KLC1: variants seen among roughly 807,000 people sequenced by gnomAD.
The protein encoded by KLC1 is kinesin light chain 1.
A neutral mutation model predicts 84.2 loss-of-function variants in KLC1; 30 were observed. That is an observed-to-expected ratio of 0.36 (90% CI 0.27 to 0.48). KLC1 has a LOEUF of 0.48. Ranked by LOEUF, KLC1 falls within the 20% of genes least tolerant of loss-of-function variation. The pLI is 0.99. For synonymous variants in KLC1, 289 were observed against 293.3 expected (o/e 0.99, Z 0.15); for missense variants, 499 against 805.4 (o/e 0.62, Z 4.60).
chr14:103,685,204 G>GTTTCCTA (rs778182306), intron 13 of KLC1: 6 of 1,421,194 alleles, frequency 4.2e-6, no homozygotes, highest in Non-Finnish European at 5.5e-6. Context: ...AAAGTCCGTG[G>GTTTCCTA]TTTCCTAAAG....
intron 5 of KLC1, among the ~76,000 whole-genome samples, chr14:103,668,829 G>A (rs910113924): frequency 6.6e-6 from 1 of 151,164 alleles, no homozygotes; most frequent in Non-Finnish European, 1.5e-5. Flanking sequence ...CTAGGCTGGA[G>A]TGCAGTGGCA....
At chr14:103,641,880 C>G (rs968889548) in intron 1 of KLC1, among the ~76,000 whole-genome samples, 1 of 151,974 alleles carries the variant, frequency 6.6e-6, no homozygotes. Context: ...CCTTGGCATC[C>G]CAAAGTGTTG....
intron 13 of KLC1, among the ~76,000 whole-genome samples, chr14:103,680,432 C>T (rs1361558175): frequency 1.3e-5 from 2 of 152,112 alleles, no homozygotes; most frequent in African/African-American, 2.4e-5. Flanking sequence ...GATGTTCTGC[C>T]AAATTGTAGT....
chr14:103,691,249 C>G (rs940195832), intron 14 of KLC1, among the ~76,000 whole-genome samples: 6 of 149,892 alleles, frequency 4.0e-5, no homozygotes, highest in Non-Finnish European at 7.4e-5. Flanking sequence ...ACCTCTGCCT[C>G]CTGGGCTTAA....
intron 1 of KLC1, among the ~76,000 whole-genome samples, chr14:103,651,230 G>GAACTCTTT (rs1178458441): frequency 2.0e-5 from 3 of 151,920 alleles, no homozygotes. Flanking sequence ...GGCTGGTCTT[G>GAACTCTTT]AACTCTTGAC....
chr14:103,686,329 C>A, intron 13 of KLC1: 1 of 511,514 alleles, frequency 2.0e-6, no homozygotes, highest in Non-Finnish European at 2.5e-6. Context: ...GTTCATCTCA[C>A]CAAGGAGTTC....
rs140390203 is a variant in KLC1, at chr14:103,637,259, C to T, written c.-2+7765C>T. Among the ~76,000 whole-genome samples the T allele has an allele frequency of 5.5e-3, 842 of 152,044 alleles. 6 individuals are homozygous for T. Among genetic ancestry groups the T allele is most frequent in the African/African-American group, 0.019 (799 of 41,470 alleles). The stretch of plus-strand genomic sequence containing the variant: ...TATTAAAGAAATTTTCGGCTGGGCG[C>T]GGTGGCTCACACCTATAATCCCAGC... On this transcript the variant is annotated intron_variant, in intron 1 of 16. Coordinates refer to ENST00000334553, the MANE Select transcript of KLC1 (RefSeq NM_001394837.1).
At chr14:103,638,369 T>C (rs1470904178) in intron 1 of KLC1, among the ~76,000 whole-genome samples, 5 of 152,190 alleles carry the variant, frequency 3.3e-5, no homozygotes, top group African/African-American at 1.2e-4. Context: ...CACATTCTTT[T>C]TCTCTTTTAG....
chr14:103,657,411 A>T (rs1162097707), intron 2 of KLC1, 135 bp from the exon 3 acceptor site: 1 of 636,492 alleles, frequency 1.6e-6, no homozygotes, highest in Non-Finnish European at 2.8e-6. Context: ...TAAATGGCAG[A>T]TTGTACTTAT....
intron 15 of KLC1, chr14:103,699,902 G>A: frequency 5.0e-6 from 2 of 396,720 alleles, no homozygotes; most frequent in East Asian, 5.6e-5. Flanking sequence ...CCTTGCGGGG[G>A]TCTGCTCTCC....
chr14:103,650,185 T>C (rs1403072206), intron 1 of KLC1, among the ~76,000 whole-genome samples: 1 of 151,640 alleles, frequency 6.6e-6, no homozygotes, highest in African/African-American at 2.4e-5. Context: ...ATAGCTTGTG[T>C]GTCAGTCAGA....
chr14:103,691,497 G>A (rs1267546483), intron 14 of KLC1, among the ~76,000 whole-genome samples: 1 of 110,380 alleles, frequency 9.1e-6, no homozygotes, highest in Admixed American at 1.2e-4. Context: ...GGTAGGTGGA[G>A]TCTCACTCTT....
intron 11 of KLC1, among the ~76,000 whole-genome samples, chr14:103,677,145 G>A (rs1280944849): frequency 1.3e-5 from 2 of 152,174 alleles, no homozygotes; most frequent in Non-Finnish European, 2.9e-5. Context: ...AGTGGCCAGT[G>A]GTCTGTGAGA....
At chr14:103,636,777 C>T (rs1002136970) in intron 1 of KLC1, among the ~76,000 whole-genome samples, 2 of 151,772 alleles carry the variant, frequency 1.3e-5, no homozygotes, top group African/African-American at 4.8e-5. Flanking sequence ...GGCTTGAGTG[C>T]AGTGGCGCGA....
chr14:103,649,782 G>A lies in KLC1; in HGVS notation c.-1-4782G>A, dbSNP rs531110611. On this transcript the variant is annotated intron_variant, in intron 1 of 16. Coordinates refer to ENST00000334553, the MANE Select transcript of KLC1 (RefSeq NM_001394837.1). ...GCCATCTCGGCTCACTGCAAGCTTC[G>A]TCTCCCGGGTTCACGCCATTCTCCT... 1.5e-4 allele frequency among the ~76,000 whole-genome samples: 23 copies of A among 151,042 alleles called. No homozygotes were observed. The South Asian group carries it at 2.7e-3, about 18-fold the overall frequency.
chr14:103,642,711 G>T (rs1188793978), intron 1 of KLC1, among the ~76,000 whole-genome samples: 4 of 151,678 alleles, frequency 2.6e-5, no homozygotes, highest in Non-Finnish European at 5.9e-5. Context: ...AGCTCCCATT[G>T]ACAAAAGCTG....
chr14:103,687,037 G>T, intron 13 of KLC1, 44 bp from the exon 14 acceptor site: 1 of 1,480,564 alleles, frequency 6.8e-7, no homozygotes. Context: ...GTGGGAAGGA[G>T]GGAGAACCAC....
intron 1 of KLC1, among the ~76,000 whole-genome samples, chr14:103,630,118 T>A (rs999430359): frequency 2.0e-5 from 3 of 152,226 alleles, no homozygotes; most frequent in African/African-American, 7.2e-5. Flanking sequence ...AGTAACCAGA[T>A]GCGAAACGTT....
chr14:103,664,667 A>G (rs562445564), intron 5 of KLC1, among the ~76,000 whole-genome samples: 15 of 151,868 alleles, frequency 9.9e-5, no homozygotes, highest in Non-Finnish European at 2.2e-4. Context: ...GGCATGCACC[A>G]CTACACCCAG....
Sources: allele counts gnomAD v4.1 joint callset (sites outside exome capture counted in the v4.1 genomes callset), GRCh38; gene constraint gnomAD v4.1.1; transcripts MANE v1.5; gene names NCBI Gene and HGNC (gene_info 2026-07-23, HGNC 2026-07-21).